CAMK1D: variants seen among roughly 807,000 people sequenced by gnomAD.
CAMK1D encodes calcium/calmodulin-dependent protein kinase type 1D.
Under a neutral mutation model 47.7 loss-of-function variants are expected in CAMK1D, and 9 were observed. The ratio of observed to expected loss-of-function variants is 0.19; its 90% CI spans 0.11 to 0.33. The LOEUF (loss-of-function observed/expected upper bound fraction) is 0.33. CAMK1D is among the 10% of genes least tolerant of loss of function. CAMK1D has a pLI of 1.00. For missense variants in CAMK1D, 291 were observed against 488.7 expected, an observed-to-expected ratio of 0.60 and a Z score of 3.81; for synonymous variants, 184 against 184.9, an observed-to-expected ratio of 0.99 and a Z score of 0.04.
chr10:12,549,692 G>A (rs1204742038), intron 1 of CAMK1D, among the ~76,000 whole-genome samples: 4 of 152,188 alleles, frequency 2.6e-5, no homozygotes, highest in African/African-American at 7.2e-5. Flanking sequence ...TGTTTAGCAC[G>A]TGACTCTCTT....
Position 12,829,028 on chromosome 10 carries a change from G to T in CAMK1D, c.*141G>T. ...GACTGGAAGACCGAAGTTTTTTTATGGCCATATTTTCTACTGCAATTCTGA... is the reference window on the plus strand; with the variant it reads ...GACTGGAAGACCGAAGTTTTTTTATTGCCATATTTTCTACTGCAATTCTGA... On this transcript the variant is annotated 3_prime_UTR_variant, in exon 11 of 11. Transcript: ENST00000619168. The T allele has an allele frequency of 1.7e-6, 1 of 600,472 alleles. No individual in the cohort carries two copies. Among genetic ancestry groups the T allele is most frequent in the Non-Finnish European group, 2.9e-6 (1 of 345,578 alleles). 37.2% of individuals were successfully genotyped at this position (600,472 alleles called of 1,614,324 possible).
At chr10:12,818,640 C>T (rs1832900702) in intron 8 of CAMK1D, among the ~76,000 whole-genome samples, 1 of 150,240 alleles carries the variant, frequency 6.7e-6, no homozygotes, top group African/African-American at 2.5e-5. Context: ...CACTGCACTC[C>T]AGCCTGGGCC....
intron 2 of CAMK1D, among the ~76,000 whole-genome samples, chr10:12,620,344 CTGTT>C (rs1838962193): frequency 2.0e-5 from 3 of 152,046 alleles, no homozygotes; most frequent in Admixed American, 6.5e-5. Context: ...TGTAAAGAAA[CTGTT>C]TGGCACCGTG....
chr10:12,409,583 T>C (rs1310371598), intron 1 of CAMK1D, among the ~76,000 whole-genome samples: 1 of 152,258 alleles, frequency 6.6e-6, no homozygotes, highest in African/African-American at 2.4e-5. Context: ...CACACCTGGC[T>C]GAAAAATTTT....
rs184664187 is a variant in CAMK1D, at chr10:12,354,649, A to T, written c.92+4739A>T. Among the ~76,000 whole-genome samples the T allele has an allele frequency of 9.6e-3, 1,452 of 151,886 alleles. 14 individuals carry two copies. The highest frequency in any genetic ancestry group is 0.034 in the African/African-American group (1,392 of 41,402). On this transcript the variant is annotated intron_variant, in intron 1 of 10. Coordinates refer to ENST00000619168, the MANE Select transcript of CAMK1D (RefSeq NM_153498.4). ...ACGGTCTCGATCTCCTGACCTCGTG[A>T]TCCGCCTGCCTCGGCCTCCCAAAGT...
At position 12,571,049 on chromosome 10, in the gene CAMK1D, C is replaced by T. The variant is rs77364421; in HGVS notation, c.224+17693C>T. ...CTCCTCTCCCAAAATGCAGTTGTTC[C>T]CCACTGATGTGGCCTCAGTGTTGGG... is the stretch of plus-strand genomic sequence containing the variant. On this transcript the variant is annotated intron_variant, in intron 2 of 10. Coordinates refer to ENST00000619168, the MANE Select transcript of CAMK1D (RefSeq NM_153498.4). 2.4e-3 allele frequency among the ~76,000 whole-genome samples: 372 copies of T among 152,268 alleles called. 1 individual carries two copies. Among genetic ancestry groups the T allele is most frequent in the African/African-American group, 8.4e-3 (348 of 41,548 alleles).
chr10:12,458,790 T>G (rs1833335554), intron 1 of CAMK1D, among the ~76,000 whole-genome samples: 1 of 152,146 alleles, frequency 6.6e-6, no homozygotes, highest in Non-Finnish European at 1.5e-5. Flanking sequence ...ACATTTAATC[T>G]TTTGCTACAG....
intron 1 of CAMK1D, among the ~76,000 whole-genome samples, chr10:12,515,188 T>A (rs909018176): frequency 2.0e-5 from 3 of 151,948 alleles, no homozygotes; most frequent in Admixed American, 1.3e-4. Flanking sequence ...AAAAAGTTTT[T>A]AAATTTATAT....
intron 1 of CAMK1D, among the ~76,000 whole-genome samples, chr10:12,548,419 T>C (rs955944086): frequency 6.7e-6 from 1 of 150,016 alleles, no homozygotes; most frequent in Non-Finnish European, 1.5e-5. Flanking sequence ...CAGTGAAATA[T>C]ACATAACATA....
intron 1 of CAMK1D, among the ~76,000 whole-genome samples, chr10:12,484,088 G>T (rs1188505112): frequency 1.3e-5 from 2 of 152,176 alleles, no homozygotes; most frequent in Non-Finnish European, 2.9e-5. Context: ...ACTCGTAGAA[G>T]GCAGGCTTGG....
At chr10:12,677,697 C>T (rs1840858215) in intron 3 of CAMK1D, among the ~76,000 whole-genome samples, 1 of 151,966 alleles carries the variant, frequency 6.6e-6, no homozygotes, top group Non-Finnish European at 1.5e-5. Context: ...CTGTGAGGGG[C>T]TCAGTCTATG....
chr10:12,603,510 A>G (rs537186437), intron 2 of CAMK1D, among the ~76,000 whole-genome samples: 1 of 152,278 alleles, frequency 6.6e-6, no homozygotes, highest in African/African-American at 2.4e-5. Context: ...TGCTGTTGTA[A>G]TAGGTCCTTA....
chr10:12,734,322 CAAAAAAAA>C (rs1201573872), intron 3 of CAMK1D, among the ~76,000 whole-genome samples: 305 of 23,560 alleles, frequency 0.013, 6 homozygotes, highest in African/African-American at 0.078. Context: ...GACTCCATCT[CAAAAAAAA>C]AAAAAAAAAA....
chr10:12,624,349 C>T (rs1317230018), intron 2 of CAMK1D, among the ~76,000 whole-genome samples: 1 of 152,088 alleles, frequency 6.6e-6, no homozygotes, highest in African/African-American at 2.4e-5. Flanking sequence ...ATCTCTAGAA[C>T]TTATTCATCT....
At chr10:12,699,167 A>G (rs887628842) in intron 3 of CAMK1D, among the ~76,000 whole-genome samples, 1 of 152,124 alleles carries the variant, frequency 6.6e-6, no homozygotes, top group Admixed American at 6.5e-5. Context: ...TTTTCTGCTA[A>G]GGCTTTGGTT....
chr10:12,764,381 C>CAA (rs56657709), intron 4 of CAMK1D, among the ~76,000 whole-genome samples: 1 of 77,984 alleles, frequency 1.3e-5, no homozygotes, highest in African/African-American at 4.9e-5. Flanking sequence ...CACTTTGTCT[C>CAA]AAAAAAAAAA....
chr10:12,685,480 A>G lies in CAMK1D; in HGVS notation c.299+18670A>G, dbSNP rs139374462. Among the ~76,000 whole-genome samples, 255 of 152,316 alleles carry G rather than the reference A, an allele frequency of 1.7e-3. 1 individual carries two copies. The Middle Eastern group carries it at 0.017, about 10-fold the overall frequency. On this transcript the variant is annotated intron_variant, in intron 3 of 10. Transcript: ENST00000619168. ...GCTTCTCAGGTTCAGAAGAGCCACC[A>G]GGACTCAATAATAGCTACAGTATTA...
At chr10:12,591,546 A>C (rs1837995295) in intron 2 of CAMK1D, among the ~76,000 whole-genome samples, 1 of 152,242 alleles carries the variant, frequency 6.6e-6, no homozygotes, top group Non-Finnish European at 1.5e-5. Flanking sequence ...GCAAGCTCTG[A>C]ATAAATAGCT....
intron 1 of CAMK1D, among the ~76,000 whole-genome samples, chr10:12,358,599 C>G (rs1194373925): frequency 2.0e-5 from 3 of 152,032 alleles, no homozygotes; most frequent in South Asian, 2.1e-4. Context: ...TGAGAGCAAG[C>G]CTTTGATAGG....
Sources: allele counts gnomAD v4.1 joint callset (sites outside exome capture counted in the v4.1 genomes callset), GRCh38; gene constraint gnomAD v4.1.1; transcripts MANE v1.5; gene names NCBI Gene and HGNC (gene_info 2026-07-23, HGNC 2026-07-21).